The following PCCA variants were observed in gnomAD, a reference collection of about 807,000 sequenced individuals.
The protein encoded by PCCA is propionyl-CoA carboxylase alpha chain, mitochondrial.
PCCA carries 74 observed loss-of-function variants against 101.3 expected under a neutral mutation model. That is an observed-to-expected ratio of 0.73 (90% CI 0.61 to 0.89). PCCA has a LOEUF of 0.89. PCCA is among the 40% of genes least tolerant of loss of function. The probability of loss-of-function intolerance (pLI) is 0.00; values close to 1 mark genes in which losing one functional copy is unlikely to be tolerated. For missense variants in PCCA, 891 were observed against 907.0 expected (o/e 0.98, Z 0.23); for synonymous variants, 294 against 313.6 (o/e 0.94, Z 0.66).
At chr13:100,285,231 G>A (rs572608882) in intron 12 of PCCA, among the ~76,000 whole-genome samples, 19 of 152,280 alleles carry the variant, frequency 1.2e-4, no homozygotes, top group African/African-American at 4.6e-4. Flanking sequence ...CACTCTGTAC[G>A]CTAATCAAGG....
At chr13:100,421,881 C>CAACTA (rs2078786978) in intron 19 of PCCA, among the ~76,000 whole-genome samples, 1 of 152,040 alleles carries the variant, frequency 6.6e-6, no homozygotes, top group African/African-American at 2.4e-5. Context: ...GACGAGGTTT[C>CAACTA]ACCATGTTGG....
chr13:100,100,429 G>C (rs2047168381), intron 1 of PCCA, among the ~76,000 whole-genome samples: 1 of 152,174 alleles, frequency 6.6e-6, no homozygotes, highest in African/African-American at 2.4e-5. Flanking sequence ...TTCTTTCTCA[G>C]AACCTTTGTT....
intron 19 of PCCA, among the ~76,000 whole-genome samples, chr13:100,404,522 G>T (rs183948439): frequency 9.9e-5 from 15 of 152,128 alleles, no homozygotes; most frequent in Admixed American, 7.2e-4. Context: ...TTCAAAAGGC[G>T]TACAAACTGA....
intron 16 of PCCA, among the ~76,000 whole-genome samples, chr13:100,323,069 A>G (rs1351568146): frequency 1.3e-5 from 2 of 152,262 alleles, no homozygotes; most frequent in Non-Finnish European, 2.9e-5. Context: ...AAAGGGCTAG[A>G]TAGTAAATGT....
rs1594744855 is a variant in PCCA, at chr13:100,209,427, G to A, written c.564G>A (p.Glu188=). 1.2e-6 allele frequency: 2 copies of A among 1,613,522 alleles called. No homozygotes were observed. The highest frequency in any genetic ancestry group is 1.7e-6 in the Non-Finnish European group (2 of 1,179,490). The change falls in exon 7 of 24, where the codon GAG becomes GAA. Residue 188 remains glutamate (E), a synonymous_variant. Transcript: ENST00000376285. ...IESKLLAKKA[E]VNTIPGFDGV... ...GCAAATTATTAGCTAAGAAAGCAGA[G>A]GTTAATACAATCCCTGGCTTTGATG...
At chr13:100,119,674 A>G (rs1449515237) in intron 4 of PCCA, among the ~76,000 whole-genome samples, 1 of 151,942 alleles carries the variant, frequency 6.6e-6, no homozygotes, top group Non-Finnish European at 1.5e-5. Flanking sequence ...TTCCTCCCCC[A>G]CAACCTTTCA....
intron 16 of PCCA, among the ~76,000 whole-genome samples, chr13:100,326,394 A>G (rs2068686629): frequency 6.6e-6 from 1 of 152,238 alleles, no homozygotes; most frequent in Non-Finnish European, 1.5e-5. Flanking sequence ...ACAGGATCAC[A>G]TCAGACAATG....
chr13:100,502,653 T>G (rs2085765227), intron 21 of PCCA, among the ~76,000 whole-genome samples: 1 of 152,256 alleles, frequency 6.6e-6, no homozygotes, highest in Admixed American at 6.5e-5. Flanking sequence ...TCTGGCCCTC[T>G]AGACTTGAAA....
intron 19 of PCCA, among the ~76,000 whole-genome samples, chr13:100,422,910 G>A (rs2078921327): frequency 6.7e-6 from 1 of 149,810 alleles, no homozygotes; most frequent in African/African-American, 2.5e-5. Flanking sequence ...TCCTATGGTT[G>A]CCTTTGAGAC....
chr13:100,179,486 C>T (rs988116998), intron 6 of PCCA, among the ~76,000 whole-genome samples: 6 of 152,284 alleles, frequency 3.9e-5, no homozygotes, highest in Admixed American at 3.3e-4. Flanking sequence ...ATGGTAGACC[C>T]GCTTGTTAAT....
intron 12 of PCCA, among the ~76,000 whole-genome samples, chr13:100,296,367 A>G (rs2065524393): frequency 1.3e-5 from 2 of 151,122 alleles, no homozygotes; most frequent in Non-Finnish European, 2.9e-5. Flanking sequence ...CAGCCTCCCA[A>G]TTAGCGGGAC....
At chr13:100,148,755 G>A (rs894860917) in intron 4 of PCCA, among the ~76,000 whole-genome samples, 4 of 152,160 alleles carry the variant, frequency 2.6e-5, no homozygotes, top group African/African-American at 9.7e-5. Flanking sequence ...GATCGATTCA[G>A]TATTAGTTCC....
intron 4 of PCCA, among the ~76,000 whole-genome samples, chr13:100,119,974 C>T (rs1045420900): frequency 6.6e-6 from 1 of 151,954 alleles, no homozygotes; most frequent in African/African-American, 2.4e-5. Flanking sequence ...TGGGTTCAAG[C>T]GATTCTCCTG....
At chr13:100,124,948 C>G (rs1324264718) in intron 4 of PCCA, among the ~76,000 whole-genome samples, 1 of 152,084 alleles carries the variant, frequency 6.6e-6, no homozygotes, top group Admixed American at 6.5e-5. Flanking sequence ...TATTTTCAAA[C>G]TTTTTCTGTT....
Position 100,478,661 on chromosome 13 carries a change from C to T in PCCA, c.1899+29356C>T, listed in dbSNP as rs554194639. On this transcript the variant is annotated intron_variant, in intron 21 of 23. Coordinates refer to ENST00000376285, the MANE Select transcript of PCCA (RefSeq NM_000282.4). The stretch of plus-strand genomic sequence containing the variant: ...GCTCGCCTGCCTCTTCACAGCCAGG[C>T]GTACTGTAGCGGCCTCAGGAGCGGT... 4.6e-5 allele frequency among the ~76,000 whole-genome samples: 7 copies of T among 152,276 alleles called. No individual in the cohort carries two copies. The South Asian group carries it at 6.2e-4, about 14-fold the overall frequency.
In PCCA at chr13:100,273,233, G is replaced by A. The variant is rs757842931; in HGVS notation, c.952G>A (p.Glu318Lys). Residue 318 changes from glutamate (E) to lysine (K), a missense_variant, in exon 12 of 24, where the codon GAA becomes AAA. Transcript: ENST00000376285. The stretch of plus-strand genomic sequence containing the variant: ...TGCGGAGACTCGAAGAGCGATGGGA[G>A]AACAAGCTGTAGCTCTTGCCAGAGC... ...LDAETRRAMG[E>K]QAVALARAVK... 2 of 1,612,608 alleles carry A rather than the reference G, an allele frequency of 1.2e-6. No homozygotes were observed. Among genetic ancestry groups the A allele is most frequent in the East Asian group, 2.2e-5 (1 of 44,842 alleles).
intron 21 of PCCA, among the ~76,000 whole-genome samples, chr13:100,460,147 T>G (rs1041136350): frequency 2.6e-5 from 4 of 152,238 alleles, no homozygotes; most frequent in African/African-American, 7.2e-5. Context: ...GGGTTTTGTT[T>G]GTTTTGTTTG....
chr13:100,148,251 C>T (rs1436717733), intron 4 of PCCA, among the ~76,000 whole-genome samples: 2 of 152,248 alleles, frequency 1.3e-5, no homozygotes, highest in African/African-American at 2.4e-5. Context: ...TATGTCATAT[C>T]TCAGGTGTTT....
chr13:100,375,992 CTT>C (rs2075875267), intron 19 of PCCA, among the ~76,000 whole-genome samples: 1 of 152,198 alleles, frequency 6.6e-6, no homozygotes, highest in Admixed American at 6.5e-5. Context: ...TACCTTTTGT[CTT>C]TGATGTTGGT....
Sources: allele counts gnomAD v4.1 joint callset (sites outside exome capture counted in the v4.1 genomes callset), GRCh38; gene constraint gnomAD v4.1.1; transcripts MANE v1.5; gene names NCBI Gene and HGNC (gene_info 2026-07-23, HGNC 2026-07-21).